EPHX2: variants seen among roughly 807,000 people sequenced by gnomAD.
EPHX2 encodes the protein epoxide hydrolase 2.
A neutral mutation model predicts 78.7 loss-of-function variants in EPHX2; 74 were observed. That is an observed-to-expected ratio of 0.94 (90% CI 0.78 to 1.14). The LOEUF (loss-of-function observed/expected upper bound fraction) is 1.14. Among genes scored for constraint, EPHX2 ranks in the 50% most tolerant of loss-of-function variants. EPHX2 has a pLI of 0.00. For synonymous variants in EPHX2, 251 were observed against 255.2 expected, an observed-to-expected ratio of 0.98 and a Z score of 0.16; for missense variants, 715 against 702.5, an observed-to-expected ratio of 1.02 and a Z score of -0.20.
rs561812750 is a variant in EPHX2 at position 27,535,181 on chromosome 8, T to C, written c.1171-1603T>C. On this transcript the variant is annotated intron_variant, in intron 12 of 18. Transcript: ENST00000521400. ...TACAGAAATATTTTATTTTATTTTA[T>C]TTTATTTATTTTGAGACAGAGTTTC... Among the ~76,000 whole-genome samples, 18 of 146,868 alleles carry C rather than the reference T, an allele frequency of 1.2e-4. 1 individual carries two copies. The South Asian group carries it at 2.4e-3, about 19-fold the overall frequency.
chr8:27,533,249 C>G (rs1039301016), intron 12 of EPHX2, among the ~76,000 whole-genome samples: 5 of 152,138 alleles, frequency 3.3e-5, no homozygotes, highest in African/African-American at 9.7e-5. Context: ...ATGAGGAAAC[C>G]GAGGCTCTAG....
At chr8:27,511,297 C>T (rs1814232347) in intron 5 of EPHX2, among the ~76,000 whole-genome samples, 1 of 152,158 alleles carries the variant, frequency 6.6e-6, no homozygotes, top group South Asian at 2.1e-4. Flanking sequence ...GCATGGTGTC[C>T]CACATGAGCC....
At chr8:27,491,371 G>A in intron 1 of EPHX2, 62 bp downstream of exon 1, 1 of 1,250,648 alleles carries the variant, frequency 8.0e-7, no homozygotes, top group East Asian at 3.0e-5. Context: ...ACCGCGCTGG[G>A]CTTGCAGCCC....
chr8:27,505,349 A>C (rs1300164055), intron 4 of EPHX2, among the ~76,000 whole-genome samples: 1 of 152,204 alleles, frequency 6.6e-6, no homozygotes, highest in Non-Finnish European at 1.5e-5. Context: ...ATTTGGCTCC[A>C]TTGTATAGCT....
intron 12 of EPHX2, among the ~76,000 whole-genome samples, chr8:27,526,204 AGG>A (rs1395651061): frequency 6.6e-6 from 1 of 152,240 alleles, no homozygotes; most frequent in Non-Finnish European, 1.5e-5. Context: ...TCCTCTTAGG[AGG>A]GACCGTTTCC....
intron 5 of EPHX2, among the ~76,000 whole-genome samples, chr8:27,511,379 C>T (rs1051731552): frequency 2.0e-5 from 3 of 152,222 alleles, no homozygotes; most frequent in African/African-American, 7.2e-5. Flanking sequence ...TCGCTTAGAG[C>T]AAGTGATTTT....
chr8:27,541,509 C>T lies in EPHX2; in HGVS notation c.1416C>T (p.Asn472=). Reference sequence around the variant, plus strand: ...ACTGGTACCGAAACATGGAAAGGAACTGGAAGTGGGCTTGCAAAAGCTTGG... The same window carrying T: ...ACTGGTACCGAAACATGGAAAGGAATTGGAAGTGGGCTTGCAAAAGCTTGG... ...PLNWYRNMER[N]WKWACKSLGR... Residue 472 remains asparagine, a synonymous_variant, in exon 16 of 19, where the codon AAC becomes AAT. Transcript: ENST00000521400. The T allele has an allele frequency of 6.2e-7, 1 of 1,614,254 alleles. No homozygotes were observed. Among genetic ancestry groups the T allele is most frequent in the South Asian group, 1.1e-5 (1 of 91,086 alleles).
intron 12 of EPHX2, among the ~76,000 whole-genome samples, chr8:27,533,036 G>A (rs1815098183): frequency 6.6e-6 from 1 of 152,088 alleles, no homozygotes; most frequent in African/African-American, 2.4e-5. Flanking sequence ...CATCACTTGA[G>A]TCCAGGAGTT....
At chr8:27,499,704 G>C (rs1258215187) in intron 1 of EPHX2, among the ~76,000 whole-genome samples, 1 of 152,202 alleles carries the variant, frequency 6.6e-6, no homozygotes, top group Non-Finnish European at 1.5e-5. Context: ...TACTGAGGCT[G>C]CTGTAACAGC....
At chr8:27,509,026 C>T (rs906342609) in intron 5 of EPHX2, among the ~76,000 whole-genome samples, 5 of 131,298 alleles carry the variant, frequency 3.8e-5, no homozygotes, top group African/African-American at 1.5e-4. Context: ...AGCAGACGTG[C>T]TGTAGACTGT....
intron 12 of EPHX2, among the ~76,000 whole-genome samples, chr8:27,527,914 TAACCCC>T (rs1814903831): frequency 6.6e-6 from 1 of 152,150 alleles, no homozygotes; most frequent in Admixed American, 6.5e-5. Flanking sequence ...TCAGAGGGCT[TAACCCC>T]AACTGGCCCA....
intron 12 of EPHX2, among the ~76,000 whole-genome samples, chr8:27,533,832 C>T (rs146610912): frequency 2.8e-3 from 432 of 152,306 alleles, no homozygotes; most frequent in Non-Finnish European, 5.1e-3. Flanking sequence ...TCAAAGTCCT[C>T]CTGCCTGGAC....
downstream of EPHX2, among the ~76,000 whole-genome samples, chr8:27,547,556 A>G (rs1320427597): frequency 6.6e-6 from 1 of 152,200 alleles, no homozygotes; most frequent in Non-Finnish European, 1.5e-5. Flanking sequence ...TCGTTTTTGT[A>G]TTGAGGACAT....
downstream of EPHX2, among the ~76,000 whole-genome samples, chr8:27,548,573 A>G (rs116203651): frequency 3.3e-3 from 505 of 152,336 alleles, 2 homozygotes; most frequent in African/African-American, 0.012. Flanking sequence ...GGCCTGGCAT[A>G]TGTAAAATGC....
intron 1 of EPHX2, among the ~76,000 whole-genome samples, chr8:27,496,048 C>A (rs937674228): frequency 2.0e-5 from 3 of 152,088 alleles, no homozygotes; most frequent in Admixed American, 2.0e-4. Context: ...CCCAAGGAAC[C>A]CCCACAACTG....
At chr8:27,508,491 C>T in intron 5 of EPHX2, among the ~76,000 whole-genome samples, 1 of 152,164 alleles carries the variant, frequency 6.6e-6, no homozygotes, top group South Asian at 2.1e-4. Context: ...TACAAACCTG[C>T]AAGTCCCAGG....
rs533997343 is a variant in EPHX2 at position 27,544,738 on chromosome 8, C to G, written c.*216C>G. ...AATCAGGTGTGATTAGTTCTCCAGG[C>G]ATGAATGCATCGTCCCTTTATCTGT... is the stretch of plus-strand genomic sequence containing the variant. On this transcript the variant is annotated 3_prime_UTR_variant, in exon 19 of 19. Transcript: ENST00000521400. The G allele has an allele frequency of 1.7e-6, 1 of 583,774 alleles. No homozygotes were observed. The highest frequency in any genetic ancestry group is 1.9e-5 in the African/African-American group (1 of 53,742). The allele number at this position is 583,774 out of a possible 1,614,324, so 36.2% of individuals were successfully genotyped here. A position where few individuals can be genotyped will look rare whatever the true frequency, so the allele number is the denominator to read the frequency against.
chr8:27,538,497 G>A (rs1045296578), intron 13 of EPHX2, among the ~76,000 whole-genome samples, 162 bp from the exon 14 acceptor site: 26 of 152,168 alleles, frequency 1.7e-4, no homozygotes, highest in Non-Finnish European at 1.9e-4. Context: ...AGTTCCACAT[G>A]TTTGTTACAG....
chr8:27,534,633 G>A (rs1235762437), intron 12 of EPHX2, among the ~76,000 whole-genome samples: 1 of 151,932 alleles, frequency 6.6e-6, no homozygotes. Flanking sequence ...AACAGAGCAA[G>A]ACTCCATCTA....
Sources: allele counts gnomAD v4.1 joint callset (sites outside exome capture counted in the v4.1 genomes callset), GRCh38; gene constraint gnomAD v4.1.1; transcripts MANE v1.5; gene names NCBI Gene and HGNC (gene_info 2026-07-23, HGNC 2026-07-21).